LRRC28: variants seen among roughly 807,000 people sequenced by gnomAD.
The protein encoded by LRRC28 is leucine-rich repeat-containing protein 28.
A neutral mutation model predicts 45.7 loss-of-function variants in LRRC28; 39 were observed. The observed-to-expected ratio is 0.85, with a 90% CI of 0.66 to 1.12. The LOEUF is 1.12. LRRC28 is among the 50% of genes most tolerant of loss of function. The probability of loss-of-function intolerance (pLI) is 0.00; values close to 1 mark genes in which losing one functional copy is unlikely to be tolerated. For synonymous variants in LRRC28, 206 were observed against 178.8 expected (o/e 1.15, Z -1.22); for missense variants, 435 against 438.5 (o/e 0.99, Z 0.07).
At chr15:99,344,938 T>A (rs934081561) in intron 6 of LRRC28, among the ~76,000 whole-genome samples, 1 of 152,194 alleles carries the variant, frequency 6.6e-6, no homozygotes, top group Non-Finnish European at 1.5e-5. Flanking sequence ...TACCATTTGC[T>A]GCATGCCAAA....
chr15:99,385,621 T>C (rs1359259524), intron 9 of LRRC28, among the ~76,000 whole-genome samples: 1 of 152,260 alleles, frequency 6.6e-6, no homozygotes, highest in Non-Finnish European at 1.5e-5. Flanking sequence ...CTCTGTGGTA[T>C]ATATGTGTTC....
intron 5 of LRRC28, among the ~76,000 whole-genome samples, chr15:99,292,338 G>A (rs1052918282): frequency 6.0e-5 from 9 of 150,398 alleles, no homozygotes; most frequent in African/African-American, 1.7e-4. Flanking sequence ...GTTGAGCAGG[G>A]GGATTTATTA....
At chr15:99,304,796 A>AG (rs1444563131) in intron 5 of LRRC28, among the ~76,000 whole-genome samples, 1 of 152,162 alleles carries the variant, frequency 6.6e-6, no homozygotes, top group African/African-American at 2.4e-5. Flanking sequence ...AACAAGAATG[A>AG]GGGTCTGAAA....
chr15:99,361,481 C>T lies in LRRC28; in HGVS notation c.841C>T (p.Leu281=). 1 of 1,611,042 alleles carries T rather than the reference C, an allele frequency of 6.2e-7. No individual in the cohort carries two copies. Among genetic ancestry groups the T allele is most frequent in the Non-Finnish European group, 8.5e-7 (1 of 1,178,992 alleles). Residue 281 remains leucine, a synonymous_variant, in exon 8 of 10, where the codon CTG becomes TTG. Coordinates refer to ENST00000301981, the MANE Select transcript of LRRC28 (RefSeq NM_144598.5). ...TCTGCAGGAATTGGCTATGAGAGGG[C>T]TGTATCATACCTACCACAGCTTGCT... ...LPLQELAMRG[L]YHTYHSLLKD...
chr15:99,282,859 A>G (rs1455706965), intron 3 of LRRC28, among the ~76,000 whole-genome samples: 1 of 152,200 alleles, frequency 6.6e-6, no homozygotes, highest in Non-Finnish European at 1.5e-5. Flanking sequence ...GTTGTTATTC[A>G]TCCTGACTGA....
At chr15:99,266,909 A>C (rs1416100310) in intron 2 of LRRC28, among the ~76,000 whole-genome samples, 1 of 152,204 alleles carries the variant, frequency 6.6e-6, no homozygotes, top group African/African-American at 2.4e-5. Context: ...TAAAATGTAC[A>C]TCAAACTGAA....
intron 9 of LRRC28, among the ~76,000 whole-genome samples, chr15:99,376,849 C>T (rs138586199): frequency 1.8e-3 from 269 of 152,300 alleles, no homozygotes; most frequent in South Asian, 1.7e-3. Flanking sequence ...CCAGCTTCAT[C>T]CATGGCCCTA....
intron 9 of LRRC28, among the ~76,000 whole-genome samples, chr15:99,364,194 T>G (rs1454447545): frequency 1.3e-5 from 2 of 152,166 alleles, no homozygotes; most frequent in Admixed American, 1.3e-4. Context: ...CCTTCTGTTG[T>G]GAGAACGTGG....
chr15:99,303,088 A>G (rs1026516424), intron 5 of LRRC28, among the ~76,000 whole-genome samples: 13 of 152,210 alleles, frequency 8.5e-5, no homozygotes, highest in African/African-American at 3.1e-4. Context: ...AAGTGGCTGT[A>G]CCATTTTACA....
chr15:99,281,371 C>T (rs937507932), intron 3 of LRRC28, among the ~76,000 whole-genome samples: 4 of 152,176 alleles, frequency 2.6e-5, no homozygotes, highest in Non-Finnish European at 5.9e-5. Flanking sequence ...CCTGCCTCAG[C>T]CTCCCAAAGC....
At chr15:99,349,907 C>T (rs1456559611) in intron 6 of LRRC28, among the ~76,000 whole-genome samples, 3 of 151,832 alleles carry the variant, frequency 2.0e-5, no homozygotes, top group African/African-American at 2.4e-5. Context: ...GAGGCCGAGG[C>T]GGGTGGATCA....
At chr15:99,325,381 G>A (rs1955938582) in intron 5 of LRRC28, among the ~76,000 whole-genome samples, 1 of 152,130 alleles carries the variant, frequency 6.6e-6, no homozygotes, top group Admixed American at 6.5e-5. Context: ...TGTAAATAAA[G>A]TTTTACTTCT....
At chr15:99,378,854 A>G (rs1344882967) in intron 9 of LRRC28, among the ~76,000 whole-genome samples, 2 of 152,056 alleles carry the variant, frequency 1.3e-5, no homozygotes, top group Admixed American at 6.6e-5. Context: ...ATTGATTTGC[A>G]TATGTTGAAC....
chr15:99,276,532 C>T, intron 2 of LRRC28, 44 bp from the exon 3 acceptor site: 8 of 1,471,176 alleles, frequency 5.4e-6, no homozygotes, highest in Non-Finnish European at 7.3e-6. Flanking sequence ...AATGTTTAGA[C>T]ATTTTTCAAA....
At chr15:99,261,536 G>A (rs2152129182) in intron 2 of LRRC28, among the ~76,000 whole-genome samples, 1 of 152,154 alleles carries the variant, frequency 6.6e-6, no homozygotes, top group African/African-American at 2.4e-5. Flanking sequence ...AGGGGTCAAG[G>A]GTCTCTCCCC....
intron 5 of LRRC28, among the ~76,000 whole-genome samples, chr15:99,322,575 A>C (rs1003245913): frequency 5.3e-5 from 8 of 152,314 alleles, no homozygotes; most frequent in African/African-American, 1.9e-4. Flanking sequence ...TAAAATATCA[A>C]TAAAATAAGG....
chr15:99,266,959 A>G (rs1006023747), intron 2 of LRRC28, among the ~76,000 whole-genome samples: 2 of 152,208 alleles, frequency 1.3e-5, no homozygotes, highest in Non-Finnish European at 2.9e-5. Flanking sequence ...GTATGAGGGT[A>G]GGGGTGGAGG....
intron 5 of LRRC28, among the ~76,000 whole-genome samples, chr15:99,322,352 G>A (rs537083476): frequency 2.2e-4 from 33 of 152,206 alleles, no homozygotes; most frequent in Middle Eastern, 3.4e-3. Flanking sequence ...GAAGACCAAT[G>A]GGGAGGCTTG....
chr15:99,354,027 A>G (rs1023300841), intron 7 of LRRC28: 1 of 152,208 alleles, frequency 6.6e-6, no homozygotes, highest in Non-Finnish European at 1.5e-5. Context: ...TTATTATTAA[A>G]CTTTTGTTAT....
Sources: gnomAD v4.1 joint callset for allele counts (sites outside exome capture counted in the v4.1 genomes callset) on GRCh38, gnomAD v4.1.1 for gene constraint, MANE v1.5 for transcripts, NCBI Gene and HGNC (gene_info 2026-07-23, HGNC 2026-07-21) for gene names.